The following DDX19A variants were observed in gnomAD, a reference collection of about 807,000 sequenced individuals.
The protein encoded by DDX19A is DEAD-box helicase 19A.
Under a neutral mutation model 60.6 loss-of-function variants are expected in DDX19A, and 12 were observed. The observed-to-expected ratio is 0.20, with a 90% CI of 0.13 to 0.32. The LOEUF is 0.32. Ranked by LOEUF, DDX19A falls within the 10% of genes least tolerant of loss-of-function variation. The probability of loss-of-function intolerance (pLI) is 1.00; values close to 1 mark genes in which losing one functional copy is unlikely to be tolerated. For missense variants in DDX19A, 337 were observed against 600.6 expected, an observed-to-expected ratio of 0.56 and a Z score of 4.59; for synonymous variants, 206 against 218.2, an observed-to-expected ratio of 0.94 and a Z score of 0.49.
chr16:70,371,512 G>A lies in DDX19A; in HGVS notation c.1324G>A (p.Val442Met). 6.4e-7 allele frequency: 1 copy of A among 1,570,180 alleles called. No homozygotes were observed. The highest frequency in any genetic ancestry group is 8.7e-7 in the Non-Finnish European group (1 of 1,154,776). The change falls in exon 11 of 12, where the codon GTG becomes ATG. Residue 442 changes from valine to methionine, a missense_variant. Val to Met is a conservative substitution (Grantham distance 21). Transcript: ENST00000302243. Reference sequence around the variant, plus strand: ...CAAGAGGGGCCTGGCAGTGAACATGGTGGACAGCAAGCACAGCATGAACAT... The same window carrying A: ...CAAGAGGGGCCTGGCAGTGAACATGATGGACAGCAAGCACAGCATGAACAT... ...FGKRGLAVNM[V>M]DSKHSMNILN...
At position 70,356,011 on chromosome 16, in the gene DDX19A, C is replaced by G. The variant is rs1369420858; in HGVS notation, c.158-101C>G. 5 of 1,488,420 alleles carry G rather than the reference C, an allele frequency of 3.4e-6. No individual in the cohort carries two copies. The East Asian group carries it at 1.1e-4, about 34-fold the overall frequency. 92.2% of individuals were successfully genotyped at this position (1,488,420 alleles called of 1,614,324 possible). A position where few individuals can be genotyped will look rare whatever the true frequency, so the allele number is the denominator to read the frequency against. On this transcript the variant is annotated intron_variant, in intron 3 of 11. Coordinates refer to ENST00000302243, the MANE Select transcript of DDX19A (RefSeq NM_018332.5). ...GTGTGATGGTTTTTCTCCAGCCGTG[C>G]TTGACTGCCCAGGTGCTAGTGTGGA...
chr16:70,357,266 A>G (rs941658951), intron 4 of DDX19A, among the ~76,000 whole-genome samples: 1 of 117,686 alleles, frequency 8.5e-6, no homozygotes, highest in African/African-American at 4.2e-5. Context: ...CTCAAAAAAA[A>G]AAAAATATAT....
intron 5 of DDX19A, 43 bp downstream of exon 5, chr16:70,361,553 T>C: frequency 2.0e-6 from 3 of 1,519,776 alleles, no homozygotes; most frequent in Non-Finnish European, 2.7e-6. Context: ...TGTGATTAGA[T>C]CAATCTTCCC....
Position 70,365,651 on chromosome 16 carries a change from C to T in DDX19A, c.605-434C>T, listed in dbSNP as rs189436702. The T allele has an allele frequency of 1.3e-4, 28 of 209,874 alleles. No homozygotes were observed. In the Middle Eastern group the frequency reaches 0.01, roughly 77 times the overall value. The allele number at this position is 209,874 out of a possible 1,614,324, so 13.0% of individuals were successfully genotyped here. A position where few individuals can be genotyped will look rare whatever the true frequency, so the allele number is the denominator to read the frequency against. ...AAAAAATAGCCAAGCGTGGAAGTGC[C>T]AGCTTGTAGTCCCAGCTACTTGGGA... On this transcript the variant is annotated intron_variant, in intron 7 of 11. Coordinates refer to ENST00000302243, the MANE Select transcript of DDX19A (RefSeq NM_018332.5).
At chr16:70,348,099 A>C (rs991397197) in intron 1 of DDX19A, 46 of 319,506 alleles carry the variant, frequency 1.4e-4, no homozygotes, top group African/African-American at 1.0e-3. Context: ...TAGAAATATC[A>C]GTGTAGAAGT....
intron 11 of DDX19A, 81 bp downstream of exon 11, chr16:70,371,644 C>T (rs1416774080): frequency 1.3e-6 from 1 of 747,002 alleles, no homozygotes; most frequent in African/African-American, 1.8e-5. Flanking sequence ...TCTTCTGTAG[C>T]CCCAAGAGAG....
chr16:70,367,943 AG>A (rs1964567858), intron 9 of DDX19A, among the ~76,000 whole-genome samples: 1 of 152,096 alleles, frequency 6.6e-6, no homozygotes, highest in Admixed American at 6.6e-5. Flanking sequence ...TTGGAGGCCA[AG>A]GTAGAAGGAT....
At chr16:70,352,810 G>GT (rs1295531018) in intron 2 of DDX19A, among the ~76,000 whole-genome samples, 8 of 150,954 alleles carry the variant, frequency 5.3e-5, no homozygotes, top group Admixed American at 2.0e-4. Flanking sequence ...CTAATTTTGT[G>GT]TTTTTTTAGT....
chr16:70,370,454 CCTTGT>C (rs1964650959), intron 10 of DDX19A, 69 bp downstream of exon 10: 41 of 1,566,832 alleles, frequency 2.6e-5, no homozygotes, highest in Non-Finnish European at 3.5e-5. Context: ...AGCCAGAAAT[CCTTGT>C]ATACAGGGAA....
rs1302489341 is a variant in DDX19A at position 70,356,173 on chromosome 16, A to G, written c.219A>G (p.Thr73=). The G allele has an allele frequency of 1.2e-6, 2 of 1,613,986 alleles. No individual in the cohort carries two copies. Among genetic ancestry groups the G allele is most frequent in the Admixed American group, 1.7e-5 (1 of 59,970 alleles). The change falls in exon 4 of 12, where the codon ACA becomes ACG. Residue 73 remains threonine, a synonymous_variant. Coordinates refer to ENST00000302243, the MANE Select transcript of DDX19A (RefSeq NM_018332.5). Reference sequence around the variant, plus strand: ...TCAGAAGCAACCTTGTTGATAACACAAACCAAGTGGAAGTCCTGCAACGGG... The same window carrying G: ...TCAGAAGCAACCTTGTTGATAACACGAACCAAGTGGAAGTCCTGCAACGGG... ...KLIRSNLVDN[T]NQVEVLQRDP...
intron 2 of DDX19A, among the ~76,000 whole-genome samples, chr16:70,352,697 T>C (rs534410424): frequency 1.8e-4 from 27 of 148,730 alleles, no homozygotes; most frequent in African/African-American, 6.4e-4. Flanking sequence ...AGTGCAATGA[T>C]GTGATCTCGG....
chr16:70,346,958 T>G lies in DDX19A; in HGVS notation c.-34T>G. ...CCGCGTTGCGACGTGGTGCAGCGCATATTTTCACAAGTGGGTCTCCCTTGT... is the reference window on the plus strand; with the variant it reads ...CCGCGTTGCGACGTGGTGCAGCGCAGATTTTCACAAGTGGGTCTCCCTTGT... On this transcript the variant is annotated 5_prime_UTR_variant, in exon 1 of 12. Coordinates refer to ENST00000302243, the MANE Select transcript of DDX19A (RefSeq NM_018332.5). 1 of 1,604,434 alleles carries G rather than the reference T, an allele frequency of 6.2e-7. No homozygotes were observed. The highest frequency in any genetic ancestry group is 1.7e-5 in the Admixed American group (1 of 58,778).
rs1251789717 is a variant in DDX19A at position 70,351,010 on chromosome 16, C to G, written c.106+405C>G. 2.0e-5 allele frequency among the ~76,000 whole-genome samples: 3 copies of G among 150,864 alleles called. No individual in the cohort carries two copies. The East Asian group carries it at 5.8e-4, about 29-fold the overall frequency. On this transcript the variant is annotated intron_variant, in intron 2 of 11. Transcript: ENST00000302243. ...TCTCCTGCCTCAGCCTCCCGAGTAG[C>G]TGGGACTACAGGCGCTTGCCACCAC...
rs1167938394 is a variant in DDX19A at position 70,350,665 on chromosome 16, C to T, written c.106+60C>T. The stretch of plus-strand genomic sequence containing the variant: ...TCCATGTGGGCCGCTGCTTTGCACT[C>T]ATAGCTGCATTGTACAAAGAGCTGT... On this transcript the variant is annotated intron_variant, in intron 2 of 11. Transcript: ENST00000302243. 1.8e-5 allele frequency: 22 copies of T among 1,236,412 alleles called. No individual in the cohort carries two copies. In the Admixed American group the frequency reaches 3.4e-4, roughly 19 times the overall value. The allele number at this position is 1,236,412 out of a possible 1,614,324, so 76.6% of individuals were successfully genotyped here.
At chr16:70,357,222 G>T (rs1324198490) in intron 4 of DDX19A, among the ~76,000 whole-genome samples, 4 of 144,792 alleles carry the variant, frequency 2.8e-5, no homozygotes, top group African/African-American at 1.0e-4. Flanking sequence ...TCGTGCCACT[G>T]CACTCCAGCC....
chr16:70,353,072 C>G (rs188624861), intron 2 of DDX19A, among the ~76,000 whole-genome samples: 2 of 151,946 alleles, frequency 1.3e-5, no homozygotes, highest in African/African-American at 4.8e-5. Context: ...GGATAAATTC[C>G]CCAAAAATGG....
At chr16:70,355,995 T>C (rs1354641734) in intron 3 of DDX19A, 117 bp from the exon 4 acceptor site, 2 of 1,344,686 alleles carry the variant, frequency 1.5e-6, no homozygotes, top group Admixed American at 4.0e-5. Flanking sequence ...AGTGTGATGG[T>C]TTTTCTCCAG....
At chr16:70,351,179 GC>G (rs1964005705) in intron 2 of DDX19A, among the ~76,000 whole-genome samples, 1 of 151,490 alleles carries the variant, frequency 6.6e-6, no homozygotes, top group East Asian at 1.9e-4. Context: ...ACTGTGCCCG[GC>G]CTAAATTTTT....
At chr16:70,364,468 C>A in intron 5 of DDX19A, 75 bp from the exon 6 acceptor site, 2 of 1,176,924 alleles carry the variant, frequency 1.7e-6, no homozygotes, top group South Asian at 2.5e-5. Flanking sequence ...ATATGCCTTT[C>A]ATTCAGAAAG....
Sources: gnomAD v4.1 joint callset for allele counts (sites outside exome capture counted in the v4.1 genomes callset) on GRCh38, gnomAD v4.1.1 for gene constraint, MANE v1.5 for transcripts, NCBI Gene and HGNC (gene_info 2026-07-23, HGNC 2026-07-21) for gene names.